TYW5: variants seen among roughly 807,000 people sequenced by gnomAD.
TYW5 encodes tRNA wybutosine-synthesizing protein 5.
In TYW5, 36 loss-of-function variants were observed where a neutral mutation model predicts 44.4. The ratio of observed to expected loss-of-function variants is 0.81; its 90% confidence interval spans 0.62 to 1.07. The LOEUF (loss-of-function observed/expected upper bound fraction) is 1.07. Among genes scored for constraint, TYW5 ranks in the 50% least tolerant of loss-of-function variants. The pLI is 0.00. For synonymous variants in TYW5, 121 were observed against 128.1 expected, an observed-to-expected ratio of 0.94 and a Z score of 0.37; for missense variants, 354 against 365.7, an observed-to-expected ratio of 0.97 and a Z score of 0.26.
Position 199,955,426 on chromosome 2 carries a change from A to G in TYW5, c.45T>C (p.Ser15=). ...AGAGGTGCTGCATGAACTGCTCCCG[A>G]GAAACGCCCTCCAGCCGGGGTACCG... ...HLPVPRLEGV[S]REQFMQHLYP... is the part of the protein sequence containing the mutation. The change falls in exon 1 of 8, where the codon TCT becomes TCC. Residue 15 remains serine (S), a synonymous_variant. Coordinates refer to ENST00000354611, the MANE Select transcript of TYW5 (RefSeq NM_001039693.3). 1 of 1,613,926 alleles carries G rather than the reference A, an allele frequency of 6.2e-7. No homozygotes were observed. The highest frequency in any genetic ancestry group is 1.1e-5 in the South Asian group (1 of 91,004).
chr2:199,942,895 T>C (rs1353467244), intron 3 of TYW5: 1 of 151,660 alleles, frequency 6.6e-6, no homozygotes, highest in Admixed American at 6.6e-5. Context: ...TATGCTCTTG[T>C]TGCCCAGGCT....
At chr2:199,943,728 A>G (rs757381831) in intron 3 of TYW5, 37 bp downstream of exon 3, 2 of 1,513,558 alleles carry the variant, frequency 1.3e-6, no homozygotes, top group Admixed American at 3.7e-5. Context: ...GTATATAGAT[A>G]TTAATGCCTT....
At chr2:199,948,580 C>G (rs2077520768) in intron 1 of TYW5, 108 bp from the exon 2 acceptor site, 1 of 1,082,940 alleles carries the variant, frequency 9.2e-7, no homozygotes, top group African/African-American at 1.6e-5. Context: ...ACTCTTGCTC[C>G]CAAGATGCTT....
chr2:199,936,148 GTTAC>G, intron 6 of TYW5, 101 bp from the exon 7 acceptor site: 1 of 783,262 alleles, frequency 1.3e-6, no homozygotes, highest in Non-Finnish European at 2.1e-6. Flanking sequence ...TTTCTATCCA[GTTAC>G]TTACTGTACC....
In TYW5 at chr2:199,955,406, T is replaced by C. The variant is rs375880668; in HGVS notation, c.65A>G (p.His22Arg). Reference sequence around the variant, plus strand: ...CGAGGGCCTCACCTGTGGGTAGAGGTGCTGCATGAACTGCTCCCGAGAAAC... The same window carrying C: ...CGAGGGCCTCACCTGTGGGTAGAGGCGCTGCATGAACTGCTCCCGAGAAAC... ...EGVSREQFMQ[H>R]LYPQRKPLVL... Residue 22 changes from histidine to arginine, a missense_variant, in exon 1 of 8, where the codon CAC becomes CGC. Coordinates refer to ENST00000354611, the MANE Select transcript of TYW5 (RefSeq NM_001039693.3). 22 of 1,613,328 alleles carry C rather than the reference T, an allele frequency of 1.4e-5. No individual in the cohort carries two copies. Among genetic ancestry groups the C allele is most frequent in the Non-Finnish European group, 1.8e-5 (21 of 1,179,830 alleles).
intron 1 of TYW5, among the ~76,000 whole-genome samples, chr2:199,951,878 G>T (rs1185362709): frequency 6.6e-6 from 1 of 152,058 alleles, no homozygotes; most frequent in Non-Finnish European, 1.5e-5. Context: ...TTAGCCGGGT[G>T]TGGTGGCGGG....
At chr2:199,934,575 CA>C (rs1460816660) in intron 7 of TYW5, among the ~76,000 whole-genome samples, 3 of 151,862 alleles carry the variant, frequency 2.0e-5, no homozygotes, top group Non-Finnish European at 4.4e-5. Flanking sequence ...TTGGGGAAGA[CA>C]AAGATGAACA....
At chr2:199,939,325 A>G (rs1190510533) in intron 4 of TYW5, among the ~76,000 whole-genome samples, 2 of 151,316 alleles carry the variant, frequency 1.3e-5, no homozygotes, top group African/African-American at 4.9e-5. Context: ...CTGGTCTTGA[A>G]CTCCTGACCT....
rs1192450090 is a variant in TYW5 at position 199,931,839 on chromosome 2, T to C, written c.*1228A>G. 4 of 152,150 alleles carry C rather than the reference T, an allele frequency of 2.6e-5. No individual in the cohort carries two copies. The highest frequency in any genetic ancestry group is 2.9e-5 in the Non-Finnish European group (2 of 68,018). 9.4% of individuals were successfully genotyped at this position (152,150 alleles called of 1,614,324 possible). A position where few individuals can be genotyped will look rare whatever the true frequency, so the allele number is the denominator to read the frequency against. On this transcript the variant is annotated 3_prime_UTR_variant, in exon 8 of 8. Coordinates refer to ENST00000354611, the MANE Select transcript of TYW5 (RefSeq NM_001039693.3). ...AAGATTATGTGGTCTTCAATGACAC[T>C]GCAATATAATTACTAGGTACAAAAC...
At chr2:199,955,186 G>A (rs2077585955) in intron 1 of TYW5, 1 of 559,486 alleles carries the variant, frequency 1.8e-6, no homozygotes, top group South Asian at 2.7e-5. Flanking sequence ...CAGAAACATG[G>A]GACTTTCTCC....
At chr2:199,946,834 G>C (rs2077507550) in intron 2 of TYW5, 1 of 152,110 alleles carries the variant, frequency 6.6e-6, no homozygotes, top group Non-Finnish European at 1.5e-5. Flanking sequence ...CTAGTGAAAG[G>C]CTTGGAGGAA....
chr2:199,952,971 C>T (rs948689549), intron 1 of TYW5, among the ~76,000 whole-genome samples: 8 of 152,246 alleles, frequency 5.3e-5, no homozygotes, highest in African/African-American at 1.7e-4. Flanking sequence ...TGCCCAAACC[C>T]ATAGAATGTA....
Position 199,935,978 on chromosome 2 carries a change from C to G in TYW5, c.644G>C (p.Arg215Thr). Reference sequence around the variant, plus strand: ...AGCTTCAAGGGAACATTCATATCTTCTAGCCTTGGAAAAAAGTGGATATTT... The same window carrying G: ...AGCTTCAAGGGAACATTCATATCTTGTAGCCTTGGAAAAAAGTGGATATTT... The part of the protein sequence containing the change: ...LAKYPLFSKA[R>T]RYECSLEAGD... The change falls in exon 7 of 8, where the codon AGA becomes ACA. Residue 215 changes from arginine to threonine, a missense_variant. Coordinates refer to ENST00000354611, the MANE Select transcript of TYW5 (RefSeq NM_001039693.3). 1 of 1,613,162 alleles carries G rather than the reference C, an allele frequency of 6.2e-7. No individual in the cohort carries two copies. The highest frequency in any genetic ancestry group is 8.5e-7 in the Non-Finnish European group (1 of 1,179,456).
At chr2:199,945,162 A>G (rs2077494717) in intron 2 of TYW5, 1 of 152,142 alleles carries the variant, frequency 6.6e-6, no homozygotes, top group Non-Finnish European at 1.5e-5. Flanking sequence ...TCTATGGACC[A>G]TATGTCTTAC....
chr2:199,948,703 T>C (rs1194883957), intron 1 of TYW5, among the ~76,000 whole-genome samples: 1 of 152,182 alleles, frequency 6.6e-6, no homozygotes, highest in African/African-American at 2.4e-5. Flanking sequence ...TGCAAGACCA[T>C]CAATATATAA....
intron 1 of TYW5, among the ~76,000 whole-genome samples, chr2:199,955,083 A>G (rs542435082): frequency 1.8e-4 from 28 of 152,286 alleles, no homozygotes; most frequent in African/African-American, 5.8e-4. Flanking sequence ...TGTGCCTTCA[A>G]ATCCATTAAT....
chr2:199,949,359 C>T (rs994150531), intron 1 of TYW5, among the ~76,000 whole-genome samples: 1 of 152,116 alleles, frequency 6.6e-6, no homozygotes, highest in Non-Finnish European at 1.5e-5. Context: ...CAGAGTGAAA[C>T]TCCATCACAC....
chr2:199,943,830 A>C lies in TYW5; in HGVS notation c.238T>G (p.Leu80Val). 3 of 1,605,826 alleles carry C rather than the reference A, an allele frequency of 1.9e-6. No individual in the cohort carries two copies. The highest frequency in any genetic ancestry group is 1.7e-6 in the Non-Finnish European group (2 of 1,177,958). The change falls in exon 3 of 8, where the codon TTA becomes GTA. Residue 80 changes from leucine to valine, a missense_variant. Coordinates refer to ENST00000354611, the MANE Select transcript of TYW5 (RefSeq NM_001039693.3). ...CTCTGGACCAACTGGTCAAAAGGTAAAGTTCTGAAATAAACACAAAGGAAT... is the reference window on the plus strand; with the variant it reads ...CTCTGGACCAACTGGTCAAAAGGTACAGTTCTGAAATAAACACAAAGGAAT... ...FISKNFVYRT[L>V]PFDQLVQRAA... is the part of the protein sequence containing the mutation.
intron 5 of TYW5, among the ~76,000 whole-genome samples, chr2:199,937,491 C>G (rs2077429484): frequency 6.6e-6 from 1 of 150,856 alleles, no homozygotes; most frequent in African/African-American, 2.4e-5. Flanking sequence ...CGCAAAACCC[C>G]ATGTATACTA....
Sources: gnomAD v4.1 joint callset for allele counts (sites outside exome capture counted in the v4.1 genomes callset) on GRCh38, gnomAD v4.1.1 for gene constraint, MANE v1.5 for transcripts, NCBI Gene and HGNC (gene_info 2026-07-23, HGNC 2026-07-21) for gene names.